Variants in RBFOX3 observed in about 807,000 individuals in gnomAD.
RBFOX3 encodes RNA binding protein fox-1 homolog 3.
In RBFOX3, 17 loss-of-function variants were observed where a neutral mutation model predicts 48.7. That is an observed-to-expected ratio of 0.35 (90% CI 0.24 to 0.52). RBFOX3 has a LOEUF of 0.52. Among genes scored for constraint, RBFOX3 ranks in the 20% least tolerant of loss-of-function variants. The pLI, the probability that RBFOX3 is intolerant of heterozygous loss-of-function variation, is 0.94. For missense variants in RBFOX3, 382 were observed against 497.5 expected, an observed-to-expected ratio of 0.77 and a Z score of 2.21; for synonymous variants, 212 against 209.5, an observed-to-expected ratio of 1.01 and a Z score of -0.10.
rs1318200414 is a variant in RBFOX3, at chr17:79,097,407, G to A, written c.640C>T (p.Pro214Ser). The A allele has an allele frequency of 6.5e-7, 1 of 1,547,320 alleles. No homozygotes were observed. Among genetic ancestry groups the A allele is most frequent in the African/African-American group, 1.4e-5 (1 of 72,910 alleles). ...TAGGCAACGGCTGTGCCGGTGGTGG[G>A]GTAGGGGAACCCCGTCACTGCAGGA... ...EFYAVTGFPY[P>S]TTGTAVAYRG... The change falls in exon 11 of 15, where the codon CCC becomes TCC. Residue 214 changes from proline to serine, a missense_variant. Around this residue, in one of 3 missense-constraint regions of RBFOX3, gnomAD observed 215 missense variants for 254.8 expected, o/e 0.84. Coordinates refer to ENST00000693108, the MANE Select transcript of RBFOX3 (RefSeq NM_001350451.2).
intron 2 of RBFOX3, among the ~76,000 whole-genome samples, chr17:79,430,638 G>A (rs1364644725): frequency 2.0e-5 from 3 of 152,256 alleles, no homozygotes; most frequent in African/African-American, 7.2e-5. Context: ...CACCGCCTCC[G>A]GGTTCAAGCG....
intron 1 of RBFOX3, among the ~76,000 whole-genome samples, chr17:79,603,518 C>G (rs1367167989): frequency 2.0e-5 from 3 of 152,224 alleles, no homozygotes; most frequent in Non-Finnish European, 4.4e-5. Context: ...GGAGCCCTTC[C>G]AGGCCACCCA....
chr17:79,366,687 C>T (rs1341185444), intron 2 of RBFOX3, among the ~76,000 whole-genome samples: 1 of 152,222 alleles, frequency 6.6e-6, no homozygotes, highest in African/African-American at 2.4e-5. Context: ...AGGATGAATG[C>T]AGGGCCCCAG....
At position 79,214,356 on chromosome 17, in the gene RBFOX3, T is replaced by C. The variant is rs948375212; in HGVS notation, c.-34+21410A>G. On this transcript the variant is annotated intron_variant, in intron 4 of 14. Transcript: ENST00000693108. The surrounding 1 kb of genome is among the most constrained non-coding windows in gnomAD (Gnocchi z 4.7). Reference sequence around the variant, plus strand: ...GGAGGTGCCTCATGGAGGAAAGCCCTGTCTCCTCATTAATTAGACAAGCCC... The same window carrying C: ...GGAGGTGCCTCATGGAGGAAAGCCCCGTCTCCTCATTAATTAGACAAGCCC... Among the ~76,000 whole-genome samples, 5 of 152,182 alleles carry C rather than the reference T, an allele frequency of 3.3e-5. No individual in the cohort carries two copies. Among genetic ancestry groups the C allele is most frequent in the Admixed American group, 6.5e-5 (1 of 15,286 alleles).
intron 2 of RBFOX3, among the ~76,000 whole-genome samples, chr17:79,331,517 C>A (rs2080296006): frequency 6.6e-6 from 1 of 152,198 alleles, no homozygotes; most frequent in Admixed American, 6.5e-5. Context: ...CCCCCCTGGA[C>A]CCCTGGAGAA....
chr17:79,183,931 G>A (rs1428904743), intron 4 of RBFOX3, among the ~76,000 whole-genome samples: 2 of 152,218 alleles, frequency 1.3e-5, no homozygotes, highest in African/African-American at 4.8e-5. Context: ...GCCAGCACTT[G>A]CTCCTGGCCT....
At chr17:79,185,367 G>A (rs867343548) in intron 4 of RBFOX3, among the ~76,000 whole-genome samples, 1 of 152,186 alleles carries the variant, frequency 6.6e-6, no homozygotes, top group South Asian at 2.1e-4. Context: ...ACAGTGGTGG[G>A]GGTCCCAGCG....
chr17:79,173,072 T>C (rs2049710443), intron 4 of RBFOX3, among the ~76,000 whole-genome samples: 1 of 152,052 alleles, frequency 6.6e-6, no homozygotes, highest in South Asian at 2.1e-4. Context: ...TAGCCGGGTG[T>C]GGTGGCGCAC....
intron 2 of RBFOX3, among the ~76,000 whole-genome samples, chr17:79,382,847 G>A (rs140357399): frequency 0.017 from 2,654 of 152,292 alleles, 32 homozygotes; most frequent in African/African-American, 0.034. Context: ...ATGCCATCAG[G>A]GGAGCCTGAA....
intron 1 of RBFOX3, among the ~76,000 whole-genome samples, chr17:79,558,574 G>A (rs1442141430): frequency 2.0e-4 from 31 of 152,074 alleles, no homozygotes; most frequent in Admixed American, 9.8e-4. Context: ...AGGTGGCTTC[G>A]GGCCCCTGAA....
At chr17:79,306,387 C>T (rs927359105) in intron 3 of RBFOX3, among the ~76,000 whole-genome samples, 2 of 152,266 alleles carry the variant, frequency 1.3e-5, no homozygotes, top group African/African-American at 4.8e-5. Context: ...ACGCGTGTGA[C>T]TCTCTTGGAA....
At chr17:79,248,169 C>A (rs1278247108) in intron 3 of RBFOX3, among the ~76,000 whole-genome samples, 1 of 152,166 alleles carries the variant, frequency 6.6e-6, no homozygotes, top group Admixed American at 6.5e-5. Context: ...TTGGAACAAA[C>A]CCCAAGAAGA....
At chr17:79,625,115 C>T in the RBFOX3 span, among the ~76,000 whole-genome samples, 1 of 152,092 alleles carries the variant, frequency 6.6e-6, no homozygotes, top group Non-Finnish European at 1.5e-5. Flanking sequence ...ATATCCGTCA[C>T]CCCCAAGGTT....
intron 2 of RBFOX3, among the ~76,000 whole-genome samples, chr17:79,360,681 C>T (rs1231262566): frequency 6.6e-6 from 1 of 152,054 alleles, no homozygotes; most frequent in Admixed American, 6.6e-5. Flanking sequence ...GATTTCCCTC[C>T]GCCATCTGTT....
chr17:79,139,688 A>C (rs2041508264), intron 4 of RBFOX3, among the ~76,000 whole-genome samples: 1 of 152,152 alleles, frequency 6.6e-6, no homozygotes, highest in Non-Finnish European at 1.5e-5. Flanking sequence ...CTTTCCTACC[A>C]GGATCTGCCC....
intron 3 of RBFOX3, among the ~76,000 whole-genome samples, chr17:79,277,676 G>C (rs1169743933): frequency 6.6e-6 from 1 of 152,202 alleles, no homozygotes; most frequent in Admixed American, 6.5e-5. Context: ...AACTCCACTG[G>C]GTCAAGGGTC....
intron 2 of RBFOX3, among the ~76,000 whole-genome samples, chr17:79,461,569 G>A (rs540185432): frequency 6.6e-6 from 1 of 152,312 alleles, no homozygotes; most frequent in Non-Finnish European, 1.5e-5. Context: ...TGAGCACAGG[G>A]TCTCGGCACA....
At chr17:79,446,137 C>T (rs1427969585) in intron 2 of RBFOX3, among the ~76,000 whole-genome samples, 1 of 152,158 alleles carries the variant, frequency 6.6e-6, no homozygotes, top group East Asian at 1.9e-4. Context: ...TCCTCTGAGG[C>T]TCTGAACTCC....
chr17:79,524,845 G>A (rs2086595506), intron 1 of RBFOX3, among the ~76,000 whole-genome samples: 1 of 152,146 alleles, frequency 6.6e-6, no homozygotes. Context: ...CACAGCAGGT[G>A]TAAAGGGAGC....
Sources: allele counts gnomAD v4.1 joint callset (sites outside exome capture counted in the v4.1 genomes callset), GRCh38; gene constraint gnomAD v4.1.1; regional missense constraint gnomAD v4.1.1; non-coding constraint Gnocchi (gnomAD v3.1); transcripts MANE v1.5; gene names NCBI Gene and HGNC (gene_info 2026-07-23, HGNC 2026-07-21).